OTUD7A: variants seen among roughly 807,000 people sequenced by gnomAD.
OTUD7A encodes the protein OTU deubiquitinase 7A.
In OTUD7A, 12 loss-of-function variants were observed where a neutral mutation model predicts 65.7. The observed-to-expected ratio is 0.18, with a 90% CI of 0.12 to 0.30. OTUD7A has a LOEUF of 0.30. Among genes scored for constraint, OTUD7A ranks in the 10% least tolerant of loss-of-function variants. OTUD7A has a pLI of 1.00. For synonymous variants in OTUD7A, 641 were observed against 586.3 expected, an observed-to-expected ratio of 1.09 and a Z score of -1.35; for missense variants, 1,148 against 1,304.8, an observed-to-expected ratio of 0.88 and a Z score of 1.85.
chr15:31,845,808 A>G (rs1897281379), intron 1 of OTUD7A, among the ~76,000 whole-genome samples: 1 of 152,254 alleles, frequency 6.6e-6, no homozygotes, highest in Non-Finnish European at 1.5e-5. Flanking sequence ...AGCATGGAGC[A>G]CAAAGCGCTT....
chr15:31,578,513 C>T (rs1192481564), intron 3 of OTUD7A, among the ~76,000 whole-genome samples: 1 of 152,064 alleles, frequency 6.6e-6, no homozygotes, highest in Non-Finnish European at 1.5e-5. Context: ...ATCTGGAAGC[C>T]CCCACTTTGC....
chr15:31,541,221 T>C (rs1036555491), intron 5 of OTUD7A, among the ~76,000 whole-genome samples: 7 of 152,140 alleles, frequency 4.6e-5, no homozygotes, highest in African/African-American at 1.7e-4. Context: ...AAGAAAAAAG[T>C]TGAGTAGATC....
At chr15:31,808,055 C>G (rs1896316508) in intron 1 of OTUD7A, among the ~76,000 whole-genome samples, 1 of 149,880 alleles carries the variant, frequency 6.7e-6, no homozygotes, top group South Asian at 2.1e-4. Context: ...GAGAAAACCC[C>G]AAAACATAAT....
At position 31,498,040 on chromosome 15, in the gene OTUD7A, G is replaced by A. The variant is rs938603548; in HGVS notation, c.1171+3650C>T. 2.0e-5 allele frequency among the ~76,000 whole-genome samples: 3 copies of A among 152,176 alleles called. No homozygotes were observed. Among genetic ancestry groups the A allele is most frequent in the African/African-American group, 7.2e-5 (3 of 41,430 alleles). On this transcript the variant is annotated intron_variant, in intron 10 of 12. Transcript: ENST00000307050. The surrounding 1 kb of genome is among the most constrained non-coding windows in gnomAD (Gnocchi z 4.2). The stretch of plus-strand genomic sequence containing the variant: ...GGCCGAGAGCTAACATGTACACATG[G>A]GTATGCTCTGCACGGCTCTATATCC...
intron 3 of OTUD7A, among the ~76,000 whole-genome samples, chr15:31,594,389 G>A (rs1889842713): frequency 6.6e-6 from 1 of 152,164 alleles, no homozygotes; most frequent in African/African-American, 2.4e-5. Context: ...TGGCTTCCAG[G>A]AGGAGCTTAA....
At chr15:31,627,984 G>A (rs2141245407) in intron 3 of OTUD7A, among the ~76,000 whole-genome samples, 1 of 152,070 alleles carries the variant, frequency 6.6e-6, no homozygotes, top group African/African-American at 2.4e-5. Flanking sequence ...TGTAGATTCT[G>A]GATACTAGCC....
intron 5 of OTUD7A, among the ~76,000 whole-genome samples, chr15:31,541,992 G>C (rs1314618016): frequency 1.3e-5 from 2 of 152,132 alleles, no homozygotes; most frequent in Non-Finnish European, 2.9e-5. Flanking sequence ...TTTGTGGCTT[G>C]GAACCAGTAA....
chr15:31,488,839 TC>T (rs1246621936), intron 10 of OTUD7A, among the ~76,000 whole-genome samples: 6 of 152,190 alleles, frequency 3.9e-5, no homozygotes, highest in African/African-American at 1.2e-4. Context: ...TTCTCCAGCT[TC>T]CCCAAGCTGC....
intron 1 of OTUD7A, among the ~76,000 whole-genome samples, chr15:31,802,101 ATATGTGTGTGTGTG>A (rs1472136031): frequency 7.8e-5 from 11 of 140,876 alleles, no homozygotes; most frequent in African/African-American, 1.4e-4. Context: ...GTGTGTGTAT[ATATGTGTGTGTGTG>A]TGTGTGTGTG....
intron 1 of OTUD7A, among the ~76,000 whole-genome samples, chr15:31,674,241 C>T (rs1052456148): frequency 1.3e-5 from 2 of 152,104 alleles, no homozygotes; most frequent in African/African-American, 4.8e-5. Flanking sequence ...GGCACAGATA[C>T]CCCAGTGTGT....
At chr15:31,865,191 G>T (rs1897847018) in intron 1 of OTUD7A, among the ~76,000 whole-genome samples, 1 of 152,166 alleles carries the variant, frequency 6.6e-6, no homozygotes, top group African/African-American at 2.4e-5. Flanking sequence ...ATTTTAAAAA[G>T]AAAAAGTTAA....
chr15:31,857,512 A>T (rs1366662427), intron 1 of OTUD7A, among the ~76,000 whole-genome samples: 1 of 152,130 alleles, frequency 6.6e-6, no homozygotes. Flanking sequence ...GAAATCACAT[A>T]GGGATGGCAA....
chr15:31,648,586 A>T (rs187542717), intron 3 of OTUD7A, among the ~76,000 whole-genome samples: 1 of 152,256 alleles, frequency 6.6e-6, no homozygotes, highest in Non-Finnish European at 1.5e-5. Flanking sequence ...ATTTGCAGAC[A>T]AAGCTTCGTC....
chr15:31,786,359 C>T (rs973685054), intron 1 of OTUD7A, among the ~76,000 whole-genome samples: 7 of 152,168 alleles, frequency 4.6e-5, no homozygotes, highest in Admixed American at 6.5e-5. Context: ...ATTCTCTATC[C>T]TCCGACAAGT....
chr15:31,510,906 A>G (rs1242617478), intron 8 of OTUD7A, among the ~76,000 whole-genome samples: 2 of 20,106 alleles, frequency 9.9e-5, no homozygotes, highest in Non-Finnish European at 1.7e-4. Context: ...TATGTAACAT[A>G]TATGTATATC....
chr15:31,858,424 A>G (rs1897634803), intron 1 of OTUD7A, among the ~76,000 whole-genome samples: 1 of 152,218 alleles, frequency 6.6e-6, no homozygotes, highest in Non-Finnish European at 1.5e-5. Flanking sequence ...AATTGGGGCC[A>G]GAGGAAGAGG....
intron 1 of OTUD7A, among the ~76,000 whole-genome samples, chr15:31,818,282 T>C (rs56846118): frequency 0.036 from 5,475 of 152,238 alleles, 351 homozygotes; most frequent in African/African-American, 0.12. Context: ...ATGCCAAACA[T>C]TTTAACACAG....
intron 4 of OTUD7A, among the ~76,000 whole-genome samples, chr15:31,559,665 A>G (rs1566920136): frequency 6.6e-6 from 1 of 152,014 alleles, no homozygotes; most frequent in East Asian, 1.9e-4. Flanking sequence ...CAGTTGGCAC[A>G]TATACTACAC....
At chr15:31,734,600 G>A (rs1437654174) in intron 1 of OTUD7A, among the ~76,000 whole-genome samples, 5 of 152,210 alleles carry the variant, frequency 3.3e-5, no homozygotes, top group East Asian at 1.9e-4. Flanking sequence ...AAATAAGACC[G>A]CACACCTTCA....
Sources: allele counts gnomAD v4.1 joint callset (sites outside exome capture counted in the v4.1 genomes callset), GRCh38; gene constraint gnomAD v4.1.1; non-coding constraint Gnocchi (gnomAD v3.1); transcripts MANE v1.5; gene names NCBI Gene and HGNC (gene_info 2026-07-23, HGNC 2026-07-21).